Variants in MTARC2 observed in about 807,000 individuals in gnomAD.
MTARC2 encodes MOCO sulphurase C-terminal domain containing 2.
In MTARC2, 27 loss-of-function variants were observed where a neutral mutation model predicts 35.6. The ratio of observed to expected loss-of-function variants is 0.76; its 90% confidence interval spans 0.56 to 1.04. MTARC2 has a LOEUF of 1.04. Among genes scored for constraint, MTARC2 ranks in the 50% least tolerant of loss-of-function variants. MTARC2 has a pLI of 0.00. For synonymous variants in MTARC2, 158 were observed against 167.1 expected (o/e 0.95, Z 0.42); for missense variants, 412 against 432.5 (o/e 0.95, Z 0.42).
At chr1:220,763,112 C>G in intron 4 of MTARC2, 62 bp downstream of exon 4, 2 of 1,611,940 alleles carry the variant, frequency 1.2e-6, no homozygotes, top group South Asian at 1.1e-5. Flanking sequence ...GCTAAGGGAA[C>G]TCTGCTCTAG....
chr1:220,761,634 G>C, intron 2 of MTARC2, 24 bp from the exon 3 acceptor site: 2 of 1,598,520 alleles, frequency 1.3e-6, no homozygotes, highest in East Asian at 2.2e-5. Flanking sequence ...TAAGTAACCT[G>C]GTGTTCTTTT....
At chr1:220,778,247 CA>C (rs60336134) in intron 4 of MTARC2, among the ~76,000 whole-genome samples, 988 of 97,316 alleles carry the variant, frequency 0.01, 12 homozygotes, top group African/African-American at 0.034. Context: ...GACTCTGTCT[CA>C]AAAAAAAAAA....
At chr1:220,779,191 G>A (rs1348744244) in intron 4 of MTARC2, among the ~76,000 whole-genome samples, 1 of 152,104 alleles carries the variant, frequency 6.6e-6, no homozygotes, top group African/African-American at 2.4e-5. Flanking sequence ...ATGTGTGTGT[G>A]TATAAAAACA....
intron 4 of MTARC2, among the ~76,000 whole-genome samples, chr1:220,766,900 G>A (rs1022613602): frequency 6.7e-6 from 1 of 150,068 alleles, no homozygotes; most frequent in Non-Finnish European, 1.5e-5. Flanking sequence ...TAGAACTTTG[G>A]GAGGCCAAGG....
chr1:220,783,745 G>A (rs532344452), intron 7 of MTARC2, among the ~76,000 whole-genome samples, 174 bp from the exon 8 acceptor site: 4 of 152,340 alleles, frequency 2.6e-5, no homozygotes, highest in Non-Finnish European at 4.4e-5. Flanking sequence ...GTCAGCTGAC[G>A]TAGGGCCTGG....
At chr1:220,760,912 C>T (rs927724209) in intron 2 of MTARC2, among the ~76,000 whole-genome samples, 3 of 152,054 alleles carry the variant, frequency 2.0e-5, no homozygotes, top group Non-Finnish European at 2.9e-5. Context: ...ATTTAGATCC[C>T]GTTACACACT....
At chr1:220,758,094 C>T (rs182045085) in intron 2 of MTARC2, among the ~76,000 whole-genome samples, 320 of 152,202 alleles carry the variant, frequency 2.1e-3, no homozygotes, top group African/African-American at 7.4e-3. Context: ...AAGTGATTCT[C>T]CTGCCTCAGC....
chr1:220,774,071 G>A (rs1041457095), intron 4 of MTARC2, among the ~76,000 whole-genome samples: 29 of 142,046 alleles, frequency 2.0e-4, no homozygotes, highest in East Asian at 2.0e-4. Context: ...TCACATCCTC[G>A]TTTTTTTTTT....
At chr1:220,751,321 A>T (rs1671117306) in intron 1 of MTARC2, among the ~76,000 whole-genome samples, 1 of 152,162 alleles carries the variant, frequency 6.6e-6, no homozygotes, top group South Asian at 2.1e-4. Context: ...CACCTGGCAG[A>T]ATGCTGGCAT....
At position 220,780,075 on chromosome 1, in the gene MTARC2, C is replaced by T. The variant is rs1371954160; in HGVS notation, c.808C>T (p.Pro270Ser). The T allele has an allele frequency of 6.4e-7, 1 of 1,552,918 alleles. No homozygotes were observed. Residue 270 changes from proline (P) to serine (S), a missense_variant, in exon 5 of 8, where the codon CCC becomes TCC. Physicochemically the swap from Pro to Ser is moderately conservative, Grantham distance 74 (BLOSUM62 -1). Transcript: ENST00000366913. ...SVEVKKVMAC[P>S]RCILTTVDPD... is the part of the protein sequence containing the mutation. ...AGAAGTGAAAAAGGTAATGGCATGC[C>T]CCAGGTAAGGAGCCTAGCTAGACCC...
chr1:220,784,052 G>A lies in MTARC2; in HGVS notation c.*165G>A, dbSNP rs909326699. 1.2e-4 allele frequency: 82 copies of A among 707,800 alleles called. No individual in the cohort carries two copies. Among genetic ancestry groups the A allele is most frequent in the South Asian group, 4.5e-4 (30 of 66,076 alleles). 43.8% of individuals were successfully genotyped at this position (707,800 alleles called of 1,614,324 possible). On this transcript the variant is annotated 3_prime_UTR_variant, in exon 8 of 8. Transcript: ENST00000366913. ...TCGATTTTTGACTTTTCAAAGTTGT[G>A]TATGCTCCAGGTTAATGCAAGGAAA...
At chr1:220,762,779 C>G in intron 3 of MTARC2, 131 bp from the exon 4 acceptor site, 2 of 970,662 alleles carry the variant, frequency 2.1e-6, no homozygotes, top group Non-Finnish European at 3.1e-6. Flanking sequence ...ACTCACATCT[C>G]TCTCCTTCCT....
chr1:220,761,292 G>A (rs898606377), intron 2 of MTARC2, among the ~76,000 whole-genome samples: 54 of 152,244 alleles, frequency 3.5e-4, no homozygotes, highest in Non-Finnish European at 1.6e-4. Context: ...GGGTGCATCT[G>A]CCACAGGGCA....
chr1:220,770,207 T>C (rs558883347), intron 4 of MTARC2, among the ~76,000 whole-genome samples: 1 of 152,322 alleles, frequency 6.6e-6, no homozygotes, highest in Non-Finnish European at 1.5e-5. Context: ...ATCTTAACAG[T>C]CACTTAAAGT....
At position 220,784,235 on chromosome 1, in the gene MTARC2, A is replaced by T. The variant is rs574877431; in HGVS notation, c.*348A>T. The T allele has an allele frequency of 9.8e-5, 35 of 358,206 alleles. No homozygotes were observed. The highest frequency in any genetic ancestry group is 7.1e-4 in the African/African-American group (34 of 47,704). The allele number at this position is 358,206 out of a possible 1,614,324, so 22.2% of individuals were successfully genotyped here. A position where few individuals can be genotyped will look rare whatever the true frequency, so the allele number is the denominator to read the frequency against. The stretch of plus-strand genomic sequence containing the variant: ...ATTGATGAATAAAGCAAGTTTAATG[A>T]ATCAACTAAAAAGCTGCAAAAATGT... On this transcript the variant is annotated 3_prime_UTR_variant, in exon 8 of 8. Transcript: ENST00000366913.
In MTARC2 at chr1:220,748,517, C is replaced by A; in HGVS notation, c.-15C>A. 5 of 1,383,926 alleles carry A rather than the reference C, an allele frequency of 3.6e-6. No homozygotes were observed. The highest frequency in any genetic ancestry group is 4.6e-6 in the Non-Finnish European group (5 of 1,078,884). 85.7% of individuals were successfully genotyped at this position (1,383,926 alleles called of 1,614,324 possible). On this transcript the variant is annotated 5_prime_UTR_variant, in exon 1 of 8. Coordinates refer to ENST00000366913, the MANE Select transcript of MTARC2 (RefSeq NM_017898.5). ...CCGGGTCTGTGCGCCGGTCCGCGCC[C>A]GCCCTCGCTCTGCCATGGGCGCTTC...
chr1:220,757,334 G>A (rs1438462671), intron 2 of MTARC2, among the ~76,000 whole-genome samples: 1 of 152,248 alleles, frequency 6.6e-6, no homozygotes, highest in Non-Finnish European at 1.5e-5. Flanking sequence ...ATGCAGAGGT[G>A]TAGTCAGCGC....
intron 4 of MTARC2, among the ~76,000 whole-genome samples, chr1:220,774,931 G>A (rs539899413): frequency 6.6e-6 from 1 of 150,870 alleles, no homozygotes; most frequent in African/African-American, 2.4e-5. Flanking sequence ...GCAATTGTGT[G>A]TCTATATAGA....
rs184805609 is a variant in MTARC2 at position 220,784,116 on chromosome 1, T to G, written c.*229T>G. On this transcript the variant is annotated 3_prime_UTR_variant, in exon 8 of 8. Transcript: ENST00000366913. ...GAATATGAAAGTATATATATAAATTTTAGGTACTGAAGGCTTTAAAAATAA... is the reference window on the plus strand; with the variant it reads ...GAATATGAAAGTATATATATAAATTGTAGGTACTGAAGGCTTTAAAAATAA... 9 of 542,926 alleles carry G rather than the reference T, an allele frequency of 1.7e-5. No homozygotes were observed. In the East Asian group the frequency reaches 2.3e-4, roughly 14 times the overall value. The allele number at this position is 542,926 out of a possible 1,614,324, so 33.6% of individuals were successfully genotyped here.
Sources: allele counts gnomAD v4.1 joint callset (sites outside exome capture counted in the v4.1 genomes callset), GRCh38; gene constraint gnomAD v4.1.1; transcripts MANE v1.5; gene names NCBI Gene and HGNC (gene_info 2026-07-23, HGNC 2026-07-21).